NEGR1: variants seen among roughly 807,000 people sequenced by gnomAD.
NEGR1 encodes IgLON family member 4.
Under a neutral mutation model 40.9 loss-of-function variants are expected in NEGR1, and 10 were observed. That is an observed-to-expected ratio of 0.24 (90% confidence interval 0.15 to 0.42). The LOEUF (loss-of-function observed/expected upper bound fraction) is 0.42. Ranked by LOEUF, NEGR1 falls within the 10% of genes least tolerant of loss-of-function variation. NEGR1 has a pLI of 1.00. For missense variants in NEGR1, 352 were observed against 438.9 expected (o/e 0.80, Z 1.77); for synonymous variants, 185 against 166.8 (o/e 1.11, Z -0.84).
At chr1:72,027,467 AC>A (rs1227892679) in intron 1 of NEGR1, among the ~76,000 whole-genome samples, 2 of 152,204 alleles carry the variant, frequency 1.3e-5, no homozygotes, top group Non-Finnish European at 2.9e-5. Context: ...TCTCAAAAAA[AC>A]AAAAAAACAA....
intron 1 of NEGR1, among the ~76,000 whole-genome samples, chr1:71,956,845 A>G (rs1481521922): frequency 6.6e-6 from 1 of 152,136 alleles, no homozygotes. Context: ...ACTAACTGCT[A>G]TTCCAGACAT....
rs564784643 is a variant in NEGR1, at chr1:71,779,844, C to T, written c.410-3547G>A. Among the ~76,000 whole-genome samples, 3 of 152,066 alleles carry T rather than the reference C, an allele frequency of 2.0e-5. No homozygotes were observed. In the East Asian group the frequency reaches 5.8e-4, roughly 29 times the overall value. On this transcript the variant is annotated intron_variant, in intron 2 of 6. Coordinates refer to ENST00000357731, the MANE Select transcript of NEGR1 (RefSeq NM_173808.3). ...TCTGCCTCCCAAAGTGCTGGGTTTA[C>T]AGGAGTGAGCCACCACACCAGGCCA...
intron 3 of NEGR1, among the ~76,000 whole-genome samples, chr1:71,753,736 C>G (rs956403539): frequency 6.6e-6 from 1 of 152,082 alleles, no homozygotes; most frequent in African/African-American, 2.4e-5. Context: ...GGGTAGATTT[C>G]TAATTTGTAA....
chr1:72,212,409 T>C (rs1404125435), intron 1 of NEGR1, among the ~76,000 whole-genome samples: 3 of 151,922 alleles, frequency 2.0e-5, no homozygotes, highest in Non-Finnish European at 2.9e-5. Flanking sequence ...AATTAAAACA[T>C]TGGCTGGAAC....
chr1:71,510,187 G>A (rs1268034966), intron 6 of NEGR1, among the ~76,000 whole-genome samples: 1 of 152,164 alleles, frequency 6.6e-6, no homozygotes, highest in East Asian at 1.9e-4. Flanking sequence ...GTGGGATGTT[G>A]TATTATCCCT....
At chr1:72,130,479 G>T (rs1303876095) in intron 1 of NEGR1, among the ~76,000 whole-genome samples, 1 of 152,112 alleles carries the variant, frequency 6.6e-6, no homozygotes, top group African/African-American at 2.4e-5. Flanking sequence ...GAAGCCCTCT[G>T]TATGATGTCA....
chr1:71,644,144 C>G (rs1651449326), intron 4 of NEGR1, among the ~76,000 whole-genome samples: 3 of 151,912 alleles, frequency 2.0e-5, no homozygotes, highest in East Asian at 1.9e-4. Context: ...GATTCTTTGG[C>G]CTTTGTGATC....
At chr1:72,156,321 TTGGG>T (rs879266524) in intron 1 of NEGR1, among the ~76,000 whole-genome samples, 2 of 152,074 alleles carry the variant, frequency 1.3e-5, no homozygotes, top group Non-Finnish European at 2.9e-5. Flanking sequence ...ATTTTGGGGC[TTGGG>T]AGTCAACAAG....
chr1:71,806,363 G>A (rs557347911), intron 2 of NEGR1, among the ~76,000 whole-genome samples: 2 of 152,018 alleles, frequency 1.3e-5, no homozygotes, highest in East Asian at 1.9e-4. Flanking sequence ...GGCTTAAAAT[G>A]GTTAAAGTGT....
At position 71,928,361 on chromosome 1, in the gene NEGR1, T is replaced by TATGTATATATGTATATATAC. The variant is rs1557439045; in HGVS notation, c.409+6717_409+6718insGTATATATACATATATACAT. On this transcript the variant is annotated intron_variant, in intron 2 of 6. Transcript: ENST00000357731. Reference sequence around the variant, plus strand: ...ATATACACACATGTGTATATATATATACACATATGTATATATGTATATATA... The same window carrying TATGTATATATGTATATATAC: ...ATATACACACATGTGTATATATATATATGTATATATGTATATATACACACATATGTATATATGTATATATA... Among the ~76,000 whole-genome samples, 46 of 84,630 alleles carry TATGTATATATGTATATATAC rather than the reference T, an allele frequency of 5.4e-4. 3 individuals carry two copies. Among genetic ancestry groups the TATGTATATATGTATATATAC allele is most frequent in the South Asian group, 1.5e-3 (4 of 2,712 alleles). 55.5% of individuals were successfully genotyped at this position (84,630 alleles called of 152,430 possible).
At chr1:72,179,275 CT>C (rs146218365) in intron 1 of NEGR1, among the ~76,000 whole-genome samples, 2 of 151,726 alleles carry the variant, frequency 1.3e-5, no homozygotes, top group Non-Finnish European at 2.9e-5. Context: ...TTCCCCATTG[CT>C]TTTTTTTGTC....
At chr1:72,050,952 C>T (rs1163506297) in intron 1 of NEGR1, among the ~76,000 whole-genome samples, 2 of 151,404 alleles carry the variant, frequency 1.3e-5, no homozygotes, top group Non-Finnish European at 3.0e-5. Flanking sequence ...AATCATATTC[C>T]CCAGTCCAAT....
chr1:71,468,653 A>C (rs1219453029), intron 6 of NEGR1: 1 of 151,998 alleles, frequency 6.6e-6, no homozygotes, highest in African/African-American at 2.4e-5. Flanking sequence ...TTATGAAACT[A>C]CCCTCACATT....
chr1:72,113,530 A>ATG (rs368728187), intron 1 of NEGR1, among the ~76,000 whole-genome samples: 19 of 150,098 alleles, frequency 1.3e-4, no homozygotes, highest in Admixed American at 4.0e-4. Context: ...GTTTGTGTGT[A>ATG]TGTGTGTGTG....
chr1:71,599,143 T>C (rs1444302244), intron 5 of NEGR1, among the ~76,000 whole-genome samples: 1 of 152,212 alleles, frequency 6.6e-6, no homozygotes, highest in African/African-American at 2.4e-5. Flanking sequence ...TAAAATGTTT[T>C]TAAAAATATT....
intron 2 of NEGR1, among the ~76,000 whole-genome samples, chr1:71,888,542 C>A (rs1167056616): frequency 5.3e-5 from 8 of 151,132 alleles, no homozygotes; most frequent in African/African-American, 1.5e-4. Flanking sequence ...GAGACTATAT[C>A]CCACACCTGG....
intron 4 of NEGR1, among the ~76,000 whole-genome samples, chr1:71,681,905 C>T (rs918843689): frequency 6.6e-6 from 1 of 152,186 alleles, no homozygotes; most frequent in Non-Finnish European, 1.5e-5. Context: ...CAGCTCACTG[C>T]AACTTTCACC....
intron 3 of NEGR1, among the ~76,000 whole-genome samples, chr1:71,747,618 T>A (rs982100124): frequency 7.2e-5 from 11 of 151,936 alleles, no homozygotes; most frequent in Non-Finnish European, 2.9e-5. Context: ...AGAGATGGGG[T>A]TTCACCATGT....
At chr1:72,135,422 C>CAAAAA (rs71074820) in intron 1 of NEGR1, among the ~76,000 whole-genome samples, 1 of 102,266 alleles carries the variant, frequency 9.8e-6, no homozygotes, top group Non-Finnish European at 1.9e-5. Context: ...AAAACAAAAC[C>CAAAAA]AAAAAAAAAA....
Sources: allele counts gnomAD v4.1 joint callset (sites outside exome capture counted in the v4.1 genomes callset), GRCh38; gene constraint gnomAD v4.1.1; transcripts MANE v1.5; gene names NCBI Gene and HGNC (gene_info 2026-07-23, HGNC 2026-07-21).